The following RGS6 variants were observed in gnomAD, a reference collection of about 807,000 sequenced individuals.
RGS6 encodes the protein regulator of G-protein signaling 6.
In RGS6, 30 loss-of-function variants were observed where a neutral mutation model predicts 78.5. The observed-to-expected ratio is 0.38, with a 90% CI of 0.29 to 0.52. RGS6 has a LOEUF of 0.52. Among genes scored for constraint, RGS6 ranks in the 20% least tolerant of loss-of-function variants. RGS6 has a pLI of 0.85. For missense variants in RGS6, 495 were observed against 609.7 expected, an observed-to-expected ratio of 0.81 and a Z score of 1.98; for synonymous variants, 206 against 206.0, an observed-to-expected ratio of 1.00 and a Z score of 0.00.
At chr14:72,123,599 G>A (rs1006059891) in intron 2 of RGS6, among the ~76,000 whole-genome samples, 6 of 152,182 alleles carry the variant, frequency 3.9e-5, no homozygotes, top group African/African-American at 1.4e-4. Context: ...ATCACACTTA[G>A]AATCAGGTCA....
intron 2 of RGS6, among the ~76,000 whole-genome samples, chr14:72,350,591 A>T (rs1258451605): frequency 6.6e-6 from 1 of 152,184 alleles, no homozygotes; most frequent in Non-Finnish European, 1.5e-5. Flanking sequence ...ACTCTCCAGA[A>T]TTCTCTCTTG....
intron 2 of RGS6, among the ~76,000 whole-genome samples, chr14:72,072,313 GTT>G (rs1180674409): frequency 2.1e-5 from 3 of 140,602 alleles, no homozygotes; most frequent in Non-Finnish European, 3.1e-5. Context: ...TAGTTTGTTT[GTT>G]TTTTTTTTTT....
chr14:72,376,311 A>G (rs1022347188), intron 3 of RGS6, among the ~76,000 whole-genome samples: 1 of 152,218 alleles, frequency 6.6e-6, no homozygotes, highest in African/African-American at 2.4e-5. Flanking sequence ...AAACAAATAG[A>G]TGAAATTAAA....
chr14:72,267,570 T>G lies in RGS6; in HGVS notation c.85-84525T>G, dbSNP rs114963098. ...TCAAAGCTGGATTCCAGGCTCAGAG[T>G]TACAGCAAAGAGAACAGAAAGTATA... On this transcript the variant is annotated intron_variant, in intron 2 of 17. Coordinates refer to ENST00000553525, the MANE Select transcript of RGS6 (RefSeq NM_001204424.2). Among the ~76,000 whole-genome samples the G allele has an allele frequency of 2.2e-3, 341 of 152,280 alleles. 2 individuals carry two copies. The highest frequency in any genetic ancestry group is 7.7e-3 in the African/African-American group (321 of 41,550).
intron 17 of RGS6, among the ~76,000 whole-genome samples, chr14:72,558,921 C>T (rs2097628534): frequency 6.6e-6 from 1 of 152,232 alleles, no homozygotes; most frequent in African/African-American, 2.4e-5. Flanking sequence ...CCATCCTCAG[C>T]TGCTTCGCTC....
chr14:72,402,843 C>G (rs1444606709), intron 3 of RGS6, among the ~76,000 whole-genome samples: 1 of 108,510 alleles, frequency 9.2e-6, no homozygotes, highest in Non-Finnish European at 1.7e-5. Flanking sequence ...GTTGCCTAGT[C>G]TAGAGTGCAA....
chr14:72,089,588 C>T (rs1419718143), intron 2 of RGS6, among the ~76,000 whole-genome samples: 6 of 152,192 alleles, frequency 3.9e-5, no homozygotes, highest in African/African-American at 1.4e-4. Context: ...ATTTTAAAAG[C>T]AGCTTGCCTG....
chr14:72,018,400 A>G (rs576047606), intron 2 of RGS6, among the ~76,000 whole-genome samples: 1 of 152,234 alleles, frequency 6.6e-6, no homozygotes, highest in Non-Finnish European at 1.5e-5. Flanking sequence ...TTTTTTCTGT[A>G]GGAATTGTCT....
At chr14:72,415,236 A>G (rs916633743) in intron 3 of RGS6, among the ~76,000 whole-genome samples, 8 of 152,330 alleles carry the variant, frequency 5.3e-5, no homozygotes, top group African/African-American at 9.6e-5. Context: ...AGCCTGGGCA[A>G]TGGCGGGTGC....
intron 2 of RGS6, among the ~76,000 whole-genome samples, chr14:72,294,093 A>C (rs1371795524): frequency 1.3e-5 from 2 of 152,194 alleles, no homozygotes; most frequent in Non-Finnish European, 2.9e-5. Flanking sequence ...CCACCACAAG[A>C]GGTCCTTTTT....
intron 17 of RGS6, among the ~76,000 whole-genome samples, chr14:72,548,038 T>G (rs74637406): frequency 1.3e-5 from 2 of 152,012 alleles, no homozygotes; most frequent in African/African-American, 4.8e-5. Flanking sequence ...GTTTGCCCCT[T>G]TGTAGGTGAA....
intron 2 of RGS6, among the ~76,000 whole-genome samples, chr14:72,115,733 A>G (rs529423470): frequency 6.6e-6 from 1 of 152,336 alleles, no homozygotes; most frequent in East Asian, 1.9e-4. Context: ...GTCATATGAA[A>G]TGCCTCTTAG....
chr14:72,089,184 A>G (rs1012561760), intron 2 of RGS6, among the ~76,000 whole-genome samples: 9 of 152,262 alleles, frequency 5.9e-5, no homozygotes, highest in Admixed American at 4.6e-4. Flanking sequence ...TGACTGGCAC[A>G]TGGAAAGCAT....
intron 2 of RGS6, among the ~76,000 whole-genome samples, chr14:72,279,314 C>T (rs542567573): frequency 1.4e-4 from 21 of 152,134 alleles, no homozygotes; most frequent in Non-Finnish European, 2.1e-4. Context: ...GTAGGACAGG[C>T]CCAGAAATGG....
the RGS6 span, among the ~76,000 whole-genome samples, chr14:72,615,511 A>G: frequency 6.6e-6 from 1 of 152,242 alleles, no homozygotes; most frequent in Non-Finnish European, 1.5e-5. Context: ...CCTCCAGGGT[A>G]TCATGAAACC....
the RGS6 span, among the ~76,000 whole-genome samples, chr14:72,626,028 T>C: frequency 5.3e-5 from 8 of 152,244 alleles, no homozygotes; most frequent in Non-Finnish European, 8.8e-5. Flanking sequence ...AAATACTGTT[T>C]TCCAAAGTTA....
At chr14:72,627,316 A>T in the RGS6 span, among the ~76,000 whole-genome samples, 10 of 152,074 alleles carry the variant, frequency 6.6e-5, no homozygotes, top group Non-Finnish European at 1.5e-4. Context: ...GTATTTGGTG[A>T]TTATTTTTAT....
chr14:72,013,875 C>G (rs1425029136), intron 2 of RGS6, among the ~76,000 whole-genome samples: 1 of 152,186 alleles, frequency 6.6e-6, no homozygotes, highest in Admixed American at 6.5e-5. Context: ...AAGTGAATCC[C>G]TTACTCCGTG....
At chr14:72,308,003 T>C (rs1286330319) in intron 2 of RGS6, among the ~76,000 whole-genome samples, 1 of 152,176 alleles carries the variant, frequency 6.6e-6, no homozygotes, top group East Asian at 1.9e-4. Context: ...CTAGTGGTAA[T>C]TTACAAATAT....
Sources: gnomAD v4.1 joint callset for allele counts (sites outside exome capture counted in the v4.1 genomes callset) on GRCh38, gnomAD v4.1.1 for gene constraint, MANE v1.5 for transcripts, NCBI Gene and HGNC (gene_info 2026-07-23, HGNC 2026-07-21) for gene names.